FAM3D: variants seen among roughly 807,000 people sequenced by gnomAD.
The protein encoded by FAM3D is FAM3 metabolism regulating signaling molecule D, also known as protein FAM3D.
In FAM3D, 26 loss-of-function variants were observed where a neutral mutation model predicts 29.8. The observed-to-expected ratio is 0.87, with a 90% CI of 0.64 to 1.21. The LOEUF (loss-of-function observed/expected upper bound fraction) is 1.21, where lower values mean the gene tolerates loss of function less well. FAM3D is among the 50% of genes most tolerant of loss of function. The pLI is 0.00. For synonymous variants in FAM3D, 115 were observed against 102.3 expected (o/e 1.12, Z -0.75); for missense variants, 253 against 290.9 (o/e 0.87, Z 0.95).
Position 58,634,715 on chromosome 3 carries a change from C to T in FAM3D, c.586-347G>A, listed in dbSNP as rs535428707. Among the ~76,000 whole-genome samples the T allele has an allele frequency of 6.6e-6, 1 of 152,222 alleles. No homozygotes were observed. Among genetic ancestry groups the T allele is most frequent in the Non-Finnish European group, 1.5e-5 (1 of 68,020 alleles). ...CCATGTCTTGAGCGCTTGCTGTATG[C>T]CACGTGGTGTTCTGCAGGGCCTTAT... On this transcript the variant is annotated intron_variant, in intron 9 of 9. Coordinates refer to ENST00000358781, the MANE Select transcript of FAM3D (RefSeq NM_138805.3). The surrounding 1 kb of genome is among the most constrained non-coding windows in gnomAD (Gnocchi z 4.6).
chr3:58,635,936 C>T lies in FAM3D; in HGVS notation c.585+358G>A, dbSNP rs1267441862. Reference sequence around the variant, plus strand: ...AGGCTGAAGGGATGGGGACAGGCATCCTGCTCCTTTCCCCGGGATCCCCTT... The same window carrying T: ...AGGCTGAAGGGATGGGGACAGGCATTCTGCTCCTTTCCCCGGGATCCCCTT... On this transcript the variant is annotated intron_variant, in intron 9 of 9. Transcript: ENST00000358781. This position sits in a 1 kb window ranked among gnomAD's most constrained non-coding sequence, Gnocchi z 5.2. Among the ~76,000 whole-genome samples the T allele has an allele frequency of 6.6e-6, 1 of 152,228 alleles. No individual in the cohort carries two copies. The highest frequency in any genetic ancestry group is 1.5e-5 in the Non-Finnish European group (1 of 68,052).
At chr3:58,643,755 C>G in intron 5 of FAM3D, 35 bp from the exon 6 acceptor site, 1 of 1,600,432 alleles carries the variant, frequency 6.2e-7, no homozygotes, top group Non-Finnish European at 8.6e-7. Context: ...GACAGTCGGT[C>G]CCGAGTGTGG....
rs1411022851 is a variant in FAM3D, at chr3:58,635,373, G to A, written c.585+921C>T. ...GCCTAAAACCCAGTTTCCCAAGTGT[G>A]AGGACTAAGAACAGACCGGCTTAGT... On this transcript the variant is annotated intron_variant, in intron 9 of 9. Coordinates refer to ENST00000358781, the MANE Select transcript of FAM3D (RefSeq NM_138805.3). The surrounding 1 kb of genome is among the most constrained non-coding windows in gnomAD (Gnocchi z 5.2). Among the ~76,000 whole-genome samples, 1 of 152,192 alleles carries A rather than the reference G, an allele frequency of 6.6e-6. No individual in the cohort carries two copies. The highest frequency in any genetic ancestry group is 1.5e-5 in the Non-Finnish European group (1 of 68,036).
At chr3:58,638,599 A>G (rs912423638) in intron 7 of FAM3D, among the ~76,000 whole-genome samples, 2 of 152,196 alleles carry the variant, frequency 1.3e-5, no homozygotes, top group Admixed American at 1.3e-4. Flanking sequence ...AAAATGATTA[A>G]GTATTTCAAG....
At chr3:58,665,129 A>C (rs966870052) in intron 1 of FAM3D, among the ~76,000 whole-genome samples, 2 of 152,118 alleles carry the variant, frequency 1.3e-5, no homozygotes, top group African/African-American at 2.4e-5. Context: ...AGGTGTGCAC[A>C]CCATGGCCAT....
chr3:58,656,205 T>C (rs1027250930), intron 1 of FAM3D, among the ~76,000 whole-genome samples: 4 of 152,176 alleles, frequency 2.6e-5, no homozygotes, highest in Non-Finnish European at 5.9e-5. Context: ...TAATCACAAC[T>C]CACGTATTGC....
intron 3 of FAM3D, among the ~76,000 whole-genome samples, chr3:58,652,696 A>C (rs1321441867): frequency 6.6e-6 from 1 of 151,268 alleles, no homozygotes; most frequent in Non-Finnish European, 1.5e-5. Context: ...ACATTCACCC[A>C]CTCACTCATC....
rs1163445518 is a variant in FAM3D at position 58,635,458 on chromosome 3, A to T, written c.585+836T>A. 1.3e-5 allele frequency among the ~76,000 whole-genome samples: 2 copies of T among 152,160 alleles called. No individual in the cohort carries two copies. The highest frequency in any genetic ancestry group is 2.9e-5 in the Non-Finnish European group (2 of 68,034). On this transcript the variant is annotated intron_variant, in intron 9 of 9. Coordinates refer to ENST00000358781, the MANE Select transcript of FAM3D (RefSeq NM_138805.3). This position sits in a 1 kb window ranked among gnomAD's most constrained non-coding sequence, Gnocchi z 5.2. ...GTCCCGGCCAGCTGGTTGCAGATGGATGAAGATGATGCTGGGCTTCCTGTA... is the reference window on the plus strand; with the variant it reads ...GTCCCGGCCAGCTGGTTGCAGATGGTTGAAGATGATGCTGGGCTTCCTGTA...
At chr3:58,649,774 C>CT (rs2066582008) in intron 3 of FAM3D, among the ~76,000 whole-genome samples, 1 of 30,376 alleles carries the variant, frequency 3.3e-5, no homozygotes, top group Admixed American at 6.2e-4. Flanking sequence ...CTGTTTGAGA[C>CT]CATTAGAGTT....
At chr3:58,640,199 A>C (rs1194319352) in intron 6 of FAM3D, 22 bp from the exon 7 acceptor site, 1 of 1,613,594 alleles carries the variant, frequency 6.2e-7, no homozygotes, top group Non-Finnish European at 8.5e-7. Flanking sequence ...GAGGAGAACG[A>C]TTATCCCCTG....
chr3:58,649,553 A>G, intron 3 of FAM3D: 2 of 590,640 alleles, frequency 3.4e-6, no homozygotes, highest in Non-Finnish European at 3.1e-6. Flanking sequence ...ACACACGCAC[A>G]CACATATACA....
chr3:58,637,232 G>C lies in FAM3D; in HGVS notation c.374-7C>G, dbSNP rs779737834. On this transcript the variant is annotated splice_polypyrimidine_tract_variant and splice_region_variant and intron_variant, in intron 7 of 9. Coordinates refer to ENST00000358781, the MANE Select transcript of FAM3D (RefSeq NM_138805.3). ...TTCACTAGGTGCATAACATCTGGGGGAGGAAGGAAAAGGTGCTGGTGATTT... is the reference window on the plus strand; with the variant it reads ...TTCACTAGGTGCATAACATCTGGGGCAGGAAGGAAAAGGTGCTGGTGATTT... 1.9e-6 allele frequency: 3 copies of C among 1,609,708 alleles called. No homozygotes were observed. In the South Asian group the frequency reaches 3.3e-5, roughly 18 times the overall value.
chr3:58,663,978 C>T (rs534170888), intron 1 of FAM3D, among the ~76,000 whole-genome samples: 1 of 152,220 alleles, frequency 6.6e-6, no homozygotes, highest in African/African-American at 2.4e-5. Context: ...CCTTCTGCAG[C>T]CTGTGCAGGC....
At chr3:58,643,409 T>A (rs1340330347) in intron 6 of FAM3D, among the ~76,000 whole-genome samples, 1 of 152,260 alleles carries the variant, frequency 6.6e-6, no homozygotes, top group Non-Finnish European at 1.5e-5. Context: ...TTCACTCATG[T>A]TCCATAGGAG....
At chr3:58,662,071 G>A (rs2066942020) in intron 1 of FAM3D, among the ~76,000 whole-genome samples, 1 of 152,194 alleles carries the variant, frequency 6.6e-6, no homozygotes, top group African/African-American at 2.4e-5. Context: ...AGGCCAGTTT[G>A]TGCCCCAGAA....
chr3:58,654,306 G>A (rs1274440921), intron 2 of FAM3D, among the ~76,000 whole-genome samples: 1 of 152,238 alleles, frequency 6.6e-6, no homozygotes, highest in Non-Finnish European at 1.5e-5. Context: ...TTGCCCCTGA[G>A]CTTGTTGGCA....
At position 58,653,593 on chromosome 3, in the gene FAM3D, C is replaced by G. The variant is rs1296436425; in HGVS notation, c.121+81G>C. Reference sequence around the variant, plus strand: ...ACAGCTTGTCATGTCTCCTGGGTCACCTAGGGATGGAGGGAAGAATATGTC... The same window carrying G: ...ACAGCTTGTCATGTCTCCTGGGTCAGCTAGGGATGGAGGGAAGAATATGTC... On this transcript the variant is annotated intron_variant, in intron 3 of 9. Transcript: ENST00000358781. 10 of 1,339,268 alleles carry G rather than the reference C, an allele frequency of 7.5e-6. No individual in the cohort carries two copies. The African/African-American group carries it at 1.4e-4, about 19-fold the overall frequency. The allele number at this position is 1,339,268 out of a possible 1,614,324, so 83.0% of individuals were successfully genotyped here.
At chr3:58,643,800 G>T in intron 5 of FAM3D, 80 bp from the exon 6 acceptor site, 1 of 1,304,760 alleles carries the variant, frequency 7.7e-7, no homozygotes, top group South Asian at 1.2e-5. Context: ...GGGGAACTCC[G>T]TGAGGACCCA....
At chr3:58,662,961 C>T (rs1031953595) in intron 1 of FAM3D, among the ~76,000 whole-genome samples, 2 of 152,194 alleles carry the variant, frequency 1.3e-5, no homozygotes, top group African/African-American at 2.4e-5. Context: ...AGTGCAGTGG[C>T]GATCTCAGCT....
Sources: allele counts gnomAD v4.1 joint callset (sites outside exome capture counted in the v4.1 genomes callset), GRCh38; gene constraint gnomAD v4.1.1; non-coding constraint Gnocchi (gnomAD v3.1); transcripts MANE v1.5; gene names NCBI Gene and HGNC (gene_info 2026-07-23, HGNC 2026-07-21).